The following CSMD1 variants were observed in gnomAD, a reference collection of about 807,000 sequenced individuals.
CSMD1 encodes the protein CUB and Sushi multiple domains 1, also known as CUB and sushi domain-containing protein 1.
A neutral mutation model predicts 417.5 loss-of-function variants in CSMD1; 213 were observed. The ratio of observed to expected loss-of-function variants is 0.51; its 90% CI spans 0.46 to 0.57. The LOEUF (loss-of-function observed/expected upper bound fraction) is 0.57, where lower values mean the gene tolerates loss of function less well. Among genes scored for constraint, CSMD1 ranks in the 20% least tolerant of loss-of-function variants. The probability of loss-of-function intolerance (pLI) is 0.00; values close to 1 mark genes in which losing one functional copy is unlikely to be tolerated. For synonymous variants in CSMD1, 2,862 were observed against 1,736.8 expected, an observed-to-expected ratio of 1.65 and a Z score of -16.11; for missense variants, 6,923 against 4,529.7, an observed-to-expected ratio of 1.53 and a Z score of -15.17.
intron 12 of CSMD1, among the ~76,000 whole-genome samples, chr8:3,435,598 C>G (rs193292733): frequency 5.3e-5 from 8 of 152,110 alleles, no homozygotes; most frequent in Admixed American, 5.2e-4. Flanking sequence ...CTAACCACAC[C>G]TCCAACCTAG....
At chr8:3,211,995 T>C (rs1021858218) in intron 30 of CSMD1, among the ~76,000 whole-genome samples, 12 of 152,278 alleles carry the variant, frequency 7.9e-5, no homozygotes, top group Admixed American at 3.9e-4. Context: ...AGCTGCCTCG[T>C]GCCCACCTCA....
chr8:4,788,293 T>C (rs748529970), intron 1 of CSMD1: 43 of 1,586,924 alleles, frequency 2.7e-5, no homozygotes, highest in Non-Finnish European at 3.4e-5. Flanking sequence ...TTTGTGGCAG[T>C]GGCAGGCAGA....
chr8:4,097,158 T>A (rs1014269472), intron 3 of CSMD1, among the ~76,000 whole-genome samples: 12 of 152,186 alleles, frequency 7.9e-5, no homozygotes, highest in Admixed American at 7.9e-4. Flanking sequence ...CTTTCTGTCA[T>A]GCTTACCATT....
intron 3 of CSMD1, among the ~76,000 whole-genome samples, chr8:4,045,090 C>T (rs1282824097): frequency 2.6e-5 from 4 of 152,146 alleles, no homozygotes; most frequent in Non-Finnish European, 4.4e-5. Context: ...AGGCCACAGA[C>T]GGGGCACAGG....
At chr8:4,042,681 A>G (rs1422772728) in intron 3 of CSMD1, among the ~76,000 whole-genome samples, 1 of 151,822 alleles carries the variant, frequency 6.6e-6, no homozygotes, top group Non-Finnish European at 1.5e-5. Context: ...TTAAAGCCAA[A>G]TAATATATAT....
chr8:3,684,823 A>C (rs1370853368), intron 7 of CSMD1, among the ~76,000 whole-genome samples: 1 of 152,094 alleles, frequency 6.6e-6, no homozygotes, highest in East Asian at 1.9e-4. Context: ...ATCATATTCC[A>C]AACTAGTATT....
intron 5 of CSMD1, among the ~76,000 whole-genome samples, chr8:3,848,407 T>G (rs1803659297): frequency 6.6e-6 from 1 of 152,172 alleles, no homozygotes. Context: ...ATAGTTGGTG[T>G]TTTTTAAAAC....
intron 6 of CSMD1, among the ~76,000 whole-genome samples, chr8:3,713,526 G>A (rs374400466): frequency 4.6e-5 from 7 of 152,146 alleles, no homozygotes; most frequent in African/African-American, 1.7e-4. Context: ...CCCACAGCCA[G>A]ACATCTGCCT....
chr8:4,297,193 AT>A (rs1220354086), intron 3 of CSMD1, among the ~76,000 whole-genome samples: 3 of 152,100 alleles, frequency 2.0e-5, no homozygotes, highest in East Asian at 3.9e-4. Context: ...CTAGAAATGT[AT>A]TTTTTTAAAT....
intron 23 of CSMD1, among the ~76,000 whole-genome samples, chr8:3,333,917 G>T (rs371720893): frequency 6.6e-6 from 1 of 152,172 alleles, no homozygotes; most frequent in Admixed American, 6.6e-5. Flanking sequence ...CTTTATTATT[G>T]ACAAAATTAG....
At chr8:4,474,679 G>A (rs760170254) in intron 2 of CSMD1, among the ~76,000 whole-genome samples, 21 of 152,014 alleles carry the variant, frequency 1.4e-4, no homozygotes, top group Non-Finnish European at 2.1e-4. Context: ...GAACAACAAC[G>A]TGGATCTCAA....
chr8:3,814,542 G>C (rs1286494557), intron 5 of CSMD1, among the ~76,000 whole-genome samples: 1 of 152,192 alleles, frequency 6.6e-6, no homozygotes, highest in Admixed American at 6.5e-5. Context: ...GGAGACGCCT[G>C]TGGTTGTGAT....
At chr8:4,069,028 A>C (rs1363355128) in intron 3 of CSMD1, among the ~76,000 whole-genome samples, 1 of 152,196 alleles carries the variant, frequency 6.6e-6, no homozygotes, top group East Asian at 1.9e-4. Flanking sequence ...TACTTTGCTT[A>C]TGTTTTATTC....
At chr8:3,049,540 G>C (rs1303964912) in intron 50 of CSMD1, among the ~76,000 whole-genome samples, 4 of 152,202 alleles carry the variant, frequency 2.6e-5, no homozygotes, top group East Asian at 1.9e-4. Context: ...TAAAACTATG[G>C]AGATGAAAGA....
intron 5 of CSMD1, among the ~76,000 whole-genome samples, chr8:3,968,970 G>A (rs2627460): frequency 1.2e-4 from 19 of 152,198 alleles, no homozygotes; most frequent in African/African-American, 4.6e-4. Flanking sequence ...CCTAATGCAG[G>A]GCAGGGACAG....
intron 3 of CSMD1, among the ~76,000 whole-genome samples, chr8:4,308,641 T>C (rs1442893469): frequency 6.6e-6 from 1 of 152,238 alleles, no homozygotes; most frequent in African/African-American, 2.4e-5. Context: ...TAAGGATTCT[T>C]ATTCCAAGAA....
intron 7 of CSMD1, among the ~76,000 whole-genome samples, chr8:3,666,955 C>A (rs566917201): frequency 6.6e-6 from 1 of 152,282 alleles, no homozygotes; most frequent in Non-Finnish European, 1.5e-5. Context: ...GAAATAAAAG[C>A]ATTGCAGTCT....
intron 3 of CSMD1, among the ~76,000 whole-genome samples, chr8:4,044,459 T>G (rs1798045162): frequency 6.6e-6 from 1 of 152,140 alleles, no homozygotes; most frequent in African/African-American, 2.4e-5. Context: ...TTAACTCGAT[T>G]TAACTGGAGG....
At chr8:4,393,301 T>G (rs1028907181) in intron 3 of CSMD1, among the ~76,000 whole-genome samples, 48 of 152,256 alleles carry the variant, frequency 3.2e-4, no homozygotes, top group African/African-American at 1.1e-3. Context: ...AATTAGGTGC[T>G]TTAGAAATAA....
Sources: gnomAD v4.1 joint callset for allele counts (sites outside exome capture counted in the v4.1 genomes callset) on GRCh38, gnomAD v4.1.1 for gene constraint, MANE v1.5 for transcripts, NCBI Gene and HGNC (gene_info 2026-07-23, HGNC 2026-07-21) for gene names.